Variants in RERE observed in about 807,000 individuals in gnomAD.
RERE encodes the protein arginine-glutamic acid dipeptide repeats protein.
Under a neutral mutation model 146.1 loss-of-function variants are expected in RERE, and 40 were observed. The observed-to-expected ratio is 0.27, with a 90% CI of 0.21 to 0.36. The LOEUF (loss-of-function observed/expected upper bound fraction) is 0.36, where lower values mean the gene tolerates loss of function less well. Ranked by LOEUF, RERE falls within the 10% of genes least tolerant of loss-of-function variation. The pLI, the probability that RERE is intolerant of heterozygous loss-of-function variation, is 1.00. For missense variants in RERE, 1,933 were observed against 2,138.7 expected, an observed-to-expected ratio of 0.90 and a Z score of 1.90; for synonymous variants, 1,003 against 866.0, an observed-to-expected ratio of 1.16 and a Z score of -2.78.
chr1:8,648,957 C>T (rs1196409817), intron 2 of RERE, among the ~76,000 whole-genome samples: 1 of 121,794 alleles, frequency 8.2e-6, no homozygotes, highest in Non-Finnish European at 1.8e-5. Flanking sequence ...GCAAGCAATA[C>T]CAATATGCCA....
At position 8,440,588 on chromosome 1, in the gene RERE, T is replaced by TAA. The variant is rs61101850; in HGVS notation, c.1204-17783_1204-17782dup. On this transcript the variant is annotated intron_variant, in intron 11 of 22. Coordinates refer to ENST00000400908, the MANE Select transcript of RERE (RefSeq NM_001042681.2). ...CCTGGCGACAGAGCGAGACTCCACC[T>TAA]AAAAAAAAAAAAAAAAAGGCTGGGC... 6.2e-4 allele frequency among the ~76,000 whole-genome samples: 44 copies of TAA among 71,478 alleles called. 1 individual carries two copies. The highest frequency in any genetic ancestry group is 2.2e-3 in the African/African-American group (42 of 19,406). 46.9% of individuals were successfully genotyped at this position (71,478 alleles called of 152,430 possible). A position where few individuals can be genotyped will look rare whatever the true frequency, so the allele number is the denominator to read the frequency against.
intron 7 of RERE, among the ~76,000 whole-genome samples, chr1:8,527,407 C>A (rs1397170079): frequency 6.6e-6 from 1 of 151,848 alleles, no homozygotes; most frequent in African/African-American, 2.4e-5. Flanking sequence ...TGAATATGAG[C>A]AGCAAAGAAT....
chr1:8,502,706 A>C (rs1009028303), intron 8 of RERE, among the ~76,000 whole-genome samples: 1 of 150,826 alleles, frequency 6.6e-6, no homozygotes, highest in East Asian at 2.0e-4. Flanking sequence ...TGTGGATAGA[A>C]GTAGATATGG....
intron 1 of RERE, among the ~76,000 whole-genome samples, chr1:8,809,214 T>C (rs984327974): frequency 4.7e-5 from 7 of 147,994 alleles, no homozygotes; most frequent in Admixed American, 2.7e-4. Flanking sequence ...ATATTTAACA[T>C]AAACTCAGCA....
chr1:8,422,965 G>C (rs1643934806), intron 11 of RERE, among the ~76,000 whole-genome samples, 158 bp from the exon 12 acceptor site: 1 of 152,152 alleles, frequency 6.6e-6, no homozygotes, highest in Admixed American at 6.5e-5. Flanking sequence ...GCTCAGCTGG[G>C]ACCCACTGGC....
chr1:8,507,885 G>A (rs1645278522), intron 8 of RERE, among the ~76,000 whole-genome samples: 1 of 151,128 alleles, frequency 6.6e-6, no homozygotes, highest in Non-Finnish European at 1.5e-5. Context: ...GATTATAGGC[G>A]CCTGCCACCA....
chr1:8,729,588 T>C (rs1640042590), intron 1 of RERE, among the ~76,000 whole-genome samples: 1 of 152,094 alleles, frequency 6.6e-6, no homozygotes, highest in Non-Finnish European at 1.5e-5. Flanking sequence ...GTTCCATACT[T>C]GAAACAGAGA....
intron 10 of RERE, among the ~76,000 whole-genome samples, chr1:8,489,982 A>G (rs971502468): frequency 3.3e-5 from 5 of 151,778 alleles, no homozygotes; most frequent in African/African-American, 1.2e-4. Flanking sequence ...CCCGGGAGGC[A>G]GAGCTCGCAG....
At chr1:8,438,122 A>C (rs1644196030) in intron 11 of RERE, among the ~76,000 whole-genome samples, 1 of 152,176 alleles carries the variant, frequency 6.6e-6, no homozygotes, top group Non-Finnish European at 1.5e-5. Context: ...GTCAGACTAC[A>C]GGTATGTGTC....
chr1:8,437,871 C>A (rs1258255455), intron 11 of RERE, among the ~76,000 whole-genome samples: 1 of 151,714 alleles, frequency 6.6e-6, no homozygotes, highest in African/African-American at 2.4e-5. Flanking sequence ...TCTGCTCCCC[C>A]CACCCCCATG....
intron 1 of RERE, among the ~76,000 whole-genome samples, chr1:8,772,026 ACTGTC>A (rs1640963370): frequency 1.3e-5 from 2 of 152,120 alleles, no homozygotes; most frequent in African/African-American, 2.4e-5. Flanking sequence ...GTATGTATGT[ACTGTC>A]ACATGTACAT....
intron 2 of RERE, among the ~76,000 whole-genome samples, chr1:8,651,431 T>C (rs934015918): frequency 3.9e-5 from 6 of 152,056 alleles, no homozygotes; most frequent in Admixed American, 1.3e-4. Flanking sequence ...TAGTAATCCA[T>C]TGAAGATATC....
chr1:8,611,710 T>G (rs1170454996), intron 4 of RERE, among the ~76,000 whole-genome samples: 1 of 152,160 alleles, frequency 6.6e-6, no homozygotes, highest in Admixed American at 6.5e-5. Context: ...GCAGCCAACA[T>G]GAGTCCTCTG....
intron 6 of RERE, 108 bp from the exon 7 acceptor site, chr1:8,541,426 A>G (rs1645799572): frequency 6.3e-6 from 4 of 631,042 alleles, no homozygotes; most frequent in African/African-American, 1.8e-5. Context: ...ATGTGCATGG[A>G]GAATCGGCTA....
chr1:8,501,424 T>G (rs1253897404), intron 8 of RERE, among the ~76,000 whole-genome samples: 8 of 20,114 alleles, frequency 4.0e-4, no homozygotes, highest in Admixed American at 1.6e-3. Flanking sequence ...GTCCGGGAGG[T>G]GAGGGGCGCC....
At chr1:8,609,174 C>A (rs1040310750) in intron 4 of RERE, among the ~76,000 whole-genome samples, 1 of 151,348 alleles carries the variant, frequency 6.6e-6, no homozygotes, top group African/African-American at 2.4e-5. Flanking sequence ...GTTGAGACTG[C>A]ACCACTGCTC....
chr1:8,449,005 T>C (rs1644359226), intron 11 of RERE, among the ~76,000 whole-genome samples: 2 of 152,172 alleles, frequency 1.3e-5, no homozygotes, highest in Admixed American at 6.5e-5. Context: ...GCTCTTTCGC[T>C]TGGTTAACTT....
At chr1:8,520,951 G>A (rs933927302) in intron 7 of RERE, among the ~76,000 whole-genome samples, 10 of 151,610 alleles carry the variant, frequency 6.6e-5, no homozygotes, top group African/African-American at 1.9e-4. Flanking sequence ...TCTACAACAC[G>A]TCTAAAGGTT....
At chr1:8,686,945 G>C (rs536155280) in intron 1 of RERE, among the ~76,000 whole-genome samples, 7 of 152,282 alleles carry the variant, frequency 4.6e-5, no homozygotes, top group African/African-American at 1.7e-4. Context: ...AGAGGCCTTA[G>C]TGATCATCAC....
Sources: gnomAD v4.1 joint callset for allele counts (sites outside exome capture counted in the v4.1 genomes callset) on GRCh38, gnomAD v4.1.1 for gene constraint, MANE v1.5 for transcripts, NCBI Gene and HGNC (gene_info 2026-07-23, HGNC 2026-07-21) for gene names.